The following ATRN variants were observed in gnomAD, a reference collection of about 807,000 sequenced individuals.
ATRN encodes attractin-2.
A neutral mutation model predicts 178.7 loss-of-function variants in ATRN; 54 were observed. That is an observed-to-expected ratio of 0.30 (90% CI 0.24 to 0.38). ATRN has a LOEUF of 0.38. Ranked by LOEUF, ATRN falls within the 10% of genes least tolerant of loss-of-function variation. ATRN has a pLI of 1.00. For missense variants in ATRN, 1,443 were observed against 1,815.1 expected, an observed-to-expected ratio of 0.79 and a Z score of 3.73; for synonymous variants, 636 against 663.0, an observed-to-expected ratio of 0.96 and a Z score of 0.63.
At position 3,582,606 on chromosome 20, in the gene ATRN, T is replaced by A. The variant is rs183994045; in HGVS notation, c.2764+252T>A. Among the ~76,000 whole-genome samples the A allele has an allele frequency of 1.8e-3, 269 of 152,188 alleles. 2 individuals carry two copies. The highest frequency in any genetic ancestry group is 0.016 in the South Asian group (77 of 4,824). The stretch of plus-strand genomic sequence containing the variant: ...AAGAAACTGATATTCTAATTAACAA[T>A]GAGATTGATAGGTTTATTGACCAGA... On this transcript the variant is annotated intron_variant, in intron 16 of 28. Transcript: ENST00000262919.
At chr20:3,637,796 C>T (rs372401302) in intron 26 of ATRN, among the ~76,000 whole-genome samples, 1 of 152,200 alleles carries the variant, frequency 6.6e-6, no homozygotes, top group African/African-American at 2.4e-5. Context: ...TAAGGTCACA[C>T]AGCTGTAGAC....
chr20:3,511,077 T>C (rs1414564193), intron 1 of ATRN, among the ~76,000 whole-genome samples: 1 of 152,218 alleles, frequency 6.6e-6, no homozygotes, highest in Non-Finnish European at 1.5e-5. Context: ...ATGAAAGTAT[T>C]ATCTGTCAAA....
chr20:3,505,395 C>G (rs2085028896), intron 1 of ATRN, among the ~76,000 whole-genome samples: 1 of 152,202 alleles, frequency 6.6e-6, no homozygotes, highest in Non-Finnish European at 1.5e-5. Flanking sequence ...TTGGGCTTGT[C>G]CTGCACTGTG....
chr20:3,612,495 C>G (rs923245460), intron 24 of ATRN, among the ~76,000 whole-genome samples: 3 of 152,048 alleles, frequency 2.0e-5, no homozygotes, highest in African/African-American at 7.2e-5. Flanking sequence ...AGGTGGAAAT[C>G]TTGGGGGCAT....
chr20:3,580,384 G>A (rs769435201), intron 15 of ATRN, among the ~76,000 whole-genome samples: 12 of 152,178 alleles, frequency 7.9e-5, no homozygotes, highest in Non-Finnish European at 7.3e-5. Flanking sequence ...CTGTGGCCAC[G>A]TTTATGAAAC....
At chr20:3,517,884 C>T (rs1430947691) in intron 1 of ATRN, among the ~76,000 whole-genome samples, 1 of 152,020 alleles carries the variant, frequency 6.6e-6, no homozygotes, top group Non-Finnish European at 1.5e-5. Context: ...CGTAGCTTCC[C>T]ACTCAGGTTA....
At chr20:3,521,352 C>A (rs1405576356) in intron 1 of ATRN, among the ~76,000 whole-genome samples, 11 of 150,966 alleles carry the variant, frequency 7.3e-5, no homozygotes, top group Admixed American at 2.0e-4. Context: ...AAAAAAAAAA[C>A]CCAAAAACAA....
intron 1 of ATRN, among the ~76,000 whole-genome samples, chr20:3,484,417 T>C (rs2084663455): frequency 6.6e-6 from 1 of 152,244 alleles, no homozygotes; most frequent in Admixed American, 6.5e-5. Context: ...AAATTTTTGC[T>C]TTATTCCATT....
intron 19 of ATRN, among the ~76,000 whole-genome samples, chr20:3,593,190 A>G (rs909820294): frequency 1.3e-5 from 2 of 152,170 alleles, no homozygotes; most frequent in Non-Finnish European, 2.9e-5. Context: ...AGCAGCTGCT[A>G]TCTAGAAGCA....
Position 3,560,811 on chromosome 20 carries a change from T to A in ATRN, c.1353T>A (p.Ile451=), listed in dbSNP as rs141080835. 1 of 1,614,180 alleles carries A rather than the reference T, an allele frequency of 6.2e-7. No homozygotes were observed. ...CAGTGGTTGGGCACTCTGCACACATTGTTACACTGAAGAATGGCCGAGTGG... is the reference window on the plus strand; with the variant it reads ...CAGTGGTTGGGCACTCTGCACACATAGTTACACTGAAGAATGGCCGAGTGG... ...QYAVVGHSAH[I]VTLKNGRVVM... is the part of the protein sequence containing the mutation. Residue 451 remains isoleucine (I), a synonymous_variant, in exon 8 of 29, where the codon ATT becomes ATA. Coordinates refer to ENST00000262919, the MANE Select transcript of ATRN (RefSeq NM_139321.3).
intron 1 of ATRN, among the ~76,000 whole-genome samples, chr20:3,523,527 G>C (rs1413306047): frequency 6.6e-6 from 1 of 152,118 alleles, no homozygotes; most frequent in African/African-American, 2.4e-5. Flanking sequence ...CCCCAACCTA[G>C]CAAGACAGGC....
At chr20:3,577,134 G>A (rs2086223939) in intron 14 of ATRN, 137 bp downstream of exon 14, 4 of 1,095,144 alleles carry the variant, frequency 3.7e-6, no homozygotes. Flanking sequence ...CGAGTATTAT[G>A]GGCTTTTTTG....
rs1240536055 is a variant in ATRN, at chr20:3,572,720, T to G, written c.1872-11T>G. The G allele has an allele frequency of 6.2e-7, 1 of 1,607,452 alleles. No individual in the cohort carries two copies. Among genetic ancestry groups the G allele is most frequent in the Non-Finnish European group, 8.5e-7 (1 of 1,176,100 alleles). ...CTCTAGTAAATTTCTTCTCTCCCTT[T>G]TTCCTCTTAGCACCATGTATGTGTT... On this transcript the variant is annotated splice_polypyrimidine_tract_variant and intron_variant, in intron 11 of 28. Coordinates refer to ENST00000262919, the MANE Select transcript of ATRN (RefSeq NM_139321.3).
chr20:3,519,006 T>TATTAAAAAAAAA (rs770584938), intron 1 of ATRN, among the ~76,000 whole-genome samples: 1 of 119,494 alleles, frequency 8.4e-6, no homozygotes, highest in Non-Finnish European at 1.7e-5. Context: ...TCCTTATATA[T>TATTAAAAAAAAA]AAAAAAAAAA....
At chr20:3,601,882 A>G (rs1044923491) in intron 23 of ATRN, among the ~76,000 whole-genome samples, 15 of 151,638 alleles carry the variant, frequency 9.9e-5, no homozygotes, top group Non-Finnish European at 1.3e-4. Context: ...AAAAAAAAAA[A>G]AAAAGAAAAA....
Position 3,649,300 on chromosome 20 carries a change from T to C in ATRN, c.*2453T>C, listed in dbSNP as rs2087129420. The C allele has an allele frequency of 6.5e-6, 1 of 152,676 alleles. No individual in the cohort carries two copies. Among genetic ancestry groups the C allele is most frequent in the Non-Finnish European group, 1.5e-5 (1 of 68,048 alleles). 9.5% of individuals were successfully genotyped at this position (152,676 alleles called of 1,614,324 possible). On this transcript the variant is annotated 3_prime_UTR_variant, in exon 29 of 29. Coordinates refer to ENST00000262919, the MANE Select transcript of ATRN (RefSeq NM_139321.3). ...GTCAAGACAACACTGACCTTGCACT[T>C]GTACATAACTATACAGTAGTGTCCA...
chr20:3,471,026 GC>G lies in ATRN; in HGVS notation c.-78del, dbSNP rs1191186587. The G allele has an allele frequency of 3.3e-5, 47 of 1,403,402 alleles. No individual in the cohort carries two copies. The highest frequency in any genetic ancestry group is 4.0e-5 in the Non-Finnish European group (43 of 1,084,100). 86.9% of individuals were successfully genotyped at this position (1,403,402 alleles called of 1,614,324 possible). ...CACGAGCCACCGTCCGCACAGCCCC[GC>G]CCCGCACGGCCAGGCGAAGCGGAGC... is the stretch of plus-strand genomic sequence containing the variant. On this transcript the variant is annotated 5_prime_UTR_variant, in exon 1 of 29. Coordinates refer to ENST00000262919, the MANE Select transcript of ATRN (RefSeq NM_139321.3).
At chr20:3,541,755 C>T (rs2085625689) in intron 3 of ATRN, among the ~76,000 whole-genome samples, 1 of 152,212 alleles carries the variant, frequency 6.6e-6, no homozygotes, top group African/African-American at 2.4e-5. Flanking sequence ...TCCTAAAATG[C>T]ATTTCCCCTT....
rs944392146 is a variant in ATRN, at chr20:3,522,352, A to T, written c.411-12901A>T. Among the ~76,000 whole-genome samples, 10 of 152,334 alleles carry T rather than the reference A, an allele frequency of 6.6e-5. No homozygotes were observed. The East Asian group carries it at 1.9e-3, about 29-fold the overall frequency. On this transcript the variant is annotated intron_variant, in intron 1 of 28. Transcript: ENST00000262919. Reference sequence around the variant, plus strand: ...AAATGTTCTAAATTTCCATAGCCAGACTACCTCTCTAGATTCCTTCTCTCT... The same window carrying T: ...AAATGTTCTAAATTTCCATAGCCAGTCTACCTCTCTAGATTCCTTCTCTCT...
Sources: gnomAD v4.1 joint callset for allele counts (sites outside exome capture counted in the v4.1 genomes callset) on GRCh38, gnomAD v4.1.1 for gene constraint, MANE v1.5 for transcripts, NCBI Gene and HGNC (gene_info 2026-07-23, HGNC 2026-07-21) for gene names.